The following SLC35F4 variants were observed in gnomAD, a reference collection of about 807,000 sequenced individuals.
SLC35F4 encodes solute carrier family 35 member F4.
SLC35F4 carries 24 observed loss-of-function variants against 44.2 expected under a neutral mutation model. That is an observed-to-expected ratio of 0.54 (90% CI 0.39 to 0.76). The LOEUF is 0.76. SLC35F4 is among the 30% of genes least tolerant of loss of function. SLC35F4 has a pLI of 0.00. For synonymous variants in SLC35F4, 238 were observed against 223.6 expected, an observed-to-expected ratio of 1.06 and a Z score of -0.57; for missense variants, 562 against 586.1, an observed-to-expected ratio of 0.96 and a Z score of 0.42.
At chr14:57,603,397 T>G (rs2070950726) in intron 1 of SLC35F4, among the ~76,000 whole-genome samples, 2 of 152,204 alleles carry the variant, frequency 1.3e-5, no homozygotes, top group Non-Finnish European at 1.5e-5. Context: ...CCAACCCTCT[T>G]CCTATTTAGG....
At position 57,882,310 on chromosome 14, in the gene SLC35F4, C is replaced by A. The variant is rs898740549; in HGVS notation, n.282+99603G>T. 2.6e-5 allele frequency among the ~76,000 whole-genome samples: 4 copies of A among 152,188 alleles called. No individual in the cohort carries two copies. The East Asian group carries it at 7.7e-4, about 29-fold the overall frequency. On this transcript the variant is annotated intron_variant and non_coding_transcript_variant, in intron 1 of 1. Coordinates refer to the SLC35F4 transcript ENST00000556568. ...GCCACTCCAAGATCATTTTCAGAAT[C>A]CAGGTGAAAATCAGGGAGAAGTCTC...
chr14:57,615,167 C>T (rs998615318), intron 1 of SLC35F4, among the ~76,000 whole-genome samples: 1 of 152,130 alleles, frequency 6.6e-6, no homozygotes, highest in Non-Finnish European at 1.5e-5. Flanking sequence ...TCACTCTCAC[C>T]TCCTTTAAAA....
At chr14:57,774,336 T>G (rs2077438104) in intron 1 of SLC35F4, among the ~76,000 whole-genome samples, 3 of 152,160 alleles carry the variant, frequency 2.0e-5, no homozygotes, top group Non-Finnish European at 2.9e-5. Flanking sequence ...AGCCTCTGAA[T>G]GCCCATGCAG....
intron 1 of SLC35F4, among the ~76,000 whole-genome samples, chr14:57,863,264 A>G (rs1566913049): frequency 6.6e-6 from 1 of 152,228 alleles, no homozygotes; most frequent in Non-Finnish European, 1.5e-5. Context: ...TTGCCCATTA[A>G]AGTACCTTCA....
At chr14:57,842,048 T>A (rs1463085651) in intron 1 of SLC35F4, among the ~76,000 whole-genome samples, 1 of 152,208 alleles carries the variant, frequency 6.6e-6, no homozygotes, top group African/African-American at 2.4e-5. Flanking sequence ...TGTTTTCTCA[T>A]CCTTCTGTCT....
rs146516358 is a variant in SLC35F4, at chr14:57,836,187, T to C, written c.103+29536A>G. ...TAGTTTAACTAATGACTTACCTACA[T>C]ACCACCCATATTATTCTTATTTGCT... is the stretch of plus-strand genomic sequence containing the variant. On this transcript the variant is annotated intron_variant, in intron 1 of 7. Transcript: ENST00000556826. Among the ~76,000 whole-genome samples the C allele has an allele frequency of 1.3e-4, 20 of 152,286 alleles. No homozygotes were observed. In the East Asian group the frequency reaches 3.5e-3, roughly 26 times the overall value.
At chr14:57,712,650 A>G (rs1001578410) in intron 1 of SLC35F4, among the ~76,000 whole-genome samples, 2 of 152,180 alleles carry the variant, frequency 1.3e-5, no homozygotes, top group Non-Finnish European at 2.9e-5. Flanking sequence ...TTCTTCATTT[A>G]CTTTCATTTC....
At chr14:57,787,217 A>G (rs1566853640) in intron 1 of SLC35F4, among the ~76,000 whole-genome samples, 1 of 152,170 alleles carries the variant, frequency 6.6e-6, no homozygotes, top group Admixed American at 6.5e-5. Flanking sequence ...AGACAAAGAA[A>G]AAAGAAAAAG....
At chr14:57,723,053 G>A (rs2076121949) in intron 1 of SLC35F4, among the ~76,000 whole-genome samples, 1 of 152,140 alleles carries the variant, frequency 6.6e-6, no homozygotes, top group South Asian at 2.1e-4. Context: ...GATATTTGGG[G>A]GACTACTGGA....
chr14:57,964,084 C>A (rs1195667306), intron 1 of SLC35F4, among the ~76,000 whole-genome samples: 1 of 152,086 alleles, frequency 6.6e-6, no homozygotes, highest in African/African-American at 2.4e-5. Flanking sequence ...ATTTATTGGG[C>A]AGGCAGACTT....
chr14:57,675,574 G>A (rs1419243588), intron 1 of SLC35F4, among the ~76,000 whole-genome samples: 1 of 151,966 alleles, frequency 6.6e-6, no homozygotes, highest in African/African-American at 2.4e-5. Context: ...GTGAAAGTGG[G>A]CATCCTTGTC....
At chr14:57,922,964 C>T (rs1034780078) in intron 1 of SLC35F4, among the ~76,000 whole-genome samples, 15 of 152,142 alleles carry the variant, frequency 9.9e-5, no homozygotes, top group South Asian at 8.3e-4. Flanking sequence ...GGAAAATTTG[C>T]GTTTGAGTGC....
At position 57,578,325 on chromosome 14, in the gene SLC35F4, G is replaced by GTTTTTTTTTTTTTTTTTTTT. The variant is rs199785589; in HGVS notation, c.807+2869_807+2888dup. On this transcript the variant is annotated intron_variant, in intron 4 of 7. Transcript: ENST00000556826. ...GATGACTGAAAGCATCCCTTTAACT[G>GTTTTTTTTTTTTTTTTTTTT]TTTTTTTTTTTTTTTTTTTTTTTTT... Among the ~76,000 whole-genome samples the GTTTTTTTTTTTTTTTTTTTT allele has an allele frequency of 1.0e-3, 45 of 43,166 alleles. 13 individuals carry two copies. The highest frequency in any genetic ancestry group is 1.5e-3 in the Non-Finnish European group (32 of 21,764). 28.3% of individuals were successfully genotyped at this position (43,166 alleles called of 152,430 possible). A position where few individuals can be genotyped will look rare whatever the true frequency, so the allele number is the denominator to read the frequency against.
intron 1 of SLC35F4, among the ~76,000 whole-genome samples, chr14:57,880,044 GGAAGGAAGGAA>G (rs1888493541): frequency 3.2e-4 from 1 of 3,098 alleles, no homozygotes; most frequent in Middle Eastern, 0.071. Flanking sequence ...GAGGAAGGAA[GGAAGGAAGGAA>G]GGAAGGAAGG....
chr14:57,974,212 C>T (rs550822785), downstream of SLC35F4, among the ~76,000 whole-genome samples: 20 of 152,164 alleles, frequency 1.3e-4, no homozygotes, highest in Admixed American at 3.9e-4. Flanking sequence ...GAAGACTGGC[C>T]CAGCTGCGAC....
chr14:57,794,819 T>C (rs562664535), intron 1 of SLC35F4, among the ~76,000 whole-genome samples: 1 of 152,210 alleles, frequency 6.6e-6, no homozygotes, highest in South Asian at 2.1e-4. Context: ...AGGTGCTTCA[T>C]GAGTCCAAGT....
chr14:57,577,818 A>C (rs2068906646), intron 4 of SLC35F4, among the ~76,000 whole-genome samples: 1 of 152,190 alleles, frequency 6.6e-6, no homozygotes, highest in Non-Finnish European at 1.5e-5. Flanking sequence ...GCAATCAAAA[A>C]ATTATCTTTT....
At chr14:57,577,582 C>T (rs2068882707) in intron 4 of SLC35F4, among the ~76,000 whole-genome samples, 1 of 152,078 alleles carries the variant, frequency 6.6e-6, no homozygotes, top group African/African-American at 2.4e-5. Flanking sequence ...AGTCTGGCAT[C>T]TACTTTTCAT....
chr14:57,930,122 T>A (rs1249626018), intron 1 of SLC35F4, among the ~76,000 whole-genome samples: 1 of 152,192 alleles, frequency 6.6e-6, no homozygotes, highest in Non-Finnish European at 1.5e-5. Flanking sequence ...ATTATAGATC[T>A]GAAATTCAGG....
Sources: gnomAD v4.1 joint callset for allele counts (sites outside exome capture counted in the v4.1 genomes callset) on GRCh38, gnomAD v4.1.1 for gene constraint, MANE v1.5 for transcripts, NCBI Gene and HGNC (gene_info 2026-07-23, HGNC 2026-07-21) for gene names.